SPMIP11: variants seen among roughly 807,000 people sequenced by gnomAD.
SPMIP11 encodes sperm microtubule inner protein 11.
chr12:48,760,526 T>C, the SPMIP11 span, among the ~76,000 whole-genome samples: 3 of 150,226 alleles, frequency 2.0e-5, no homozygotes, highest in Non-Finnish European at 4.4e-5. Context: ...CTGTTGTTGT[T>C]GTTTGTTATT....
At chr12:48,749,134 C>T in the SPMIP11 span, among the ~76,000 whole-genome samples, 15 of 151,650 alleles carry the variant, frequency 9.9e-5, no homozygotes, top group Admixed American at 3.3e-4. Flanking sequence ...TGGTGGTGCA[C>T]GCCTGTAGTC....
the SPMIP11 span, among the ~76,000 whole-genome samples, chr12:48,735,285 G>A: frequency 2.0e-5 from 3 of 152,236 alleles, no homozygotes; most frequent in Non-Finnish European, 4.4e-5. Flanking sequence ...CCAGCCTTCC[G>A]ACCTACAGAA....
chr12:48,767,415 A>T, the SPMIP11 span: 2 of 152,602 alleles, frequency 1.3e-5, no homozygotes, highest in Non-Finnish European at 2.9e-5. Flanking sequence ...GAAGTAGGAA[A>T]CCCTGCTTTA....
chr12:48,732,210 A>G, the SPMIP11 span, among the ~76,000 whole-genome samples: 5 of 152,116 alleles, frequency 3.3e-5, no homozygotes, highest in African/African-American at 1.2e-4. Flanking sequence ...AAAACTCAAT[A>G]TAGGAGTTCA....
the SPMIP11 span, among the ~76,000 whole-genome samples, chr12:48,756,668 C>A: frequency 1.3e-5 from 2 of 152,178 alleles, no homozygotes; most frequent in East Asian, 1.9e-4. Flanking sequence ...GACAAGCATC[C>A]ATAATCATGA....
At chr12:48,761,907 A>G in the SPMIP11 span, among the ~76,000 whole-genome samples, 2 of 146,496 alleles carry the variant, frequency 1.4e-5, no homozygotes, top group Non-Finnish European at 3.0e-5. Flanking sequence ...TTTTTTTAAT[A>G]GAGACAAGGT....
the SPMIP11 span, among the ~76,000 whole-genome samples, chr12:48,734,299 C>T: frequency 9.9e-5 from 15 of 151,828 alleles, no homozygotes; most frequent in Non-Finnish European, 1.5e-4. Flanking sequence ...TTTGTAAAGA[C>T]GGGATCCCAC....
chr12:48,730,783 C>A, the SPMIP11 span, among the ~76,000 whole-genome samples: 1 of 152,064 alleles, frequency 6.6e-6, no homozygotes, highest in African/African-American at 2.4e-5. Flanking sequence ...ACTAAAAATA[C>A]AAAAATTAGC....
the SPMIP11 span, among the ~76,000 whole-genome samples, chr12:48,752,197 G>A: frequency 1.5e-4 from 23 of 152,202 alleles, no homozygotes; most frequent in South Asian, 6.2e-4. Context: ...TAAATCATAT[G>A]TAAGTTCACT....
At chr12:48,754,408 TC>T in the SPMIP11 span, among the ~76,000 whole-genome samples, 2 of 151,624 alleles carry the variant, frequency 1.3e-5, no homozygotes, top group African/African-American at 4.8e-5. Flanking sequence ...TGCCTTGGCC[TC>T]CCAAAGTACT....
chr12:48,769,162 T>A, the SPMIP11 span: 1 of 1,278,308 alleles, frequency 7.8e-7, no homozygotes, highest in Non-Finnish European at 1.0e-6. Context: ...GAGAAAAAAA[T>A]GGAAAAAGGA....
the SPMIP11 span, chr12:48,771,046 C>T: frequency 2.1e-6 from 3 of 1,449,758 alleles, no homozygotes; most frequent in Non-Finnish European, 2.8e-6. This position sits in a 1 kb window ranked among gnomAD's most constrained non-coding sequence, Gnocchi z 4.3. Flanking sequence ...CATTTCTTGC[C>T]ACGCCTTGGC....
the SPMIP11 span, among the ~76,000 whole-genome samples, chr12:48,736,720 T>C: frequency 2.6e-5 from 4 of 151,892 alleles, no homozygotes; most frequent in African/African-American, 9.7e-5. Flanking sequence ...TTTCTTGGCT[T>C]ACTCCCTCCT....
chr12:48,751,477 A>C, the SPMIP11 span, among the ~76,000 whole-genome samples: 4 of 152,152 alleles, frequency 2.6e-5, no homozygotes, highest in African/African-American at 7.2e-5. Flanking sequence ...GTATTGGCGC[A>C]TGCCTGTAGT....
the SPMIP11 span, among the ~76,000 whole-genome samples, chr12:48,755,758 G>A: frequency 2.6e-5 from 4 of 152,054 alleles, no homozygotes; most frequent in Admixed American, 2.0e-4. Context: ...TTGACAATCA[G>A]CCTGAGGCCT....
the SPMIP11 span, among the ~76,000 whole-genome samples, chr12:48,751,082 GT>G: frequency 6.6e-5 from 10 of 151,164 alleles, no homozygotes; most frequent in East Asian, 1.9e-4. Context: ...AGAACGATAG[GT>G]TTTTTTTTCC....
the SPMIP11 span, chr12:48,770,871 C>T: frequency 3.1e-6 from 5 of 1,614,262 alleles, no homozygotes; most frequent in East Asian, 1.1e-4. Flanking sequence ...GAGCGGCCCA[C>T]CTGATCGTAG....
the SPMIP11 span, among the ~76,000 whole-genome samples, chr12:48,743,609 C>T: frequency 6.6e-6 from 1 of 151,946 alleles, no homozygotes; most frequent in African/African-American, 2.4e-5. Flanking sequence ...GAGTTCAAGA[C>T]CAGCCTGGGC....
chr12:48,768,994 C>T, the SPMIP11 span: 12 of 1,613,994 alleles, frequency 7.4e-6, no homozygotes, highest in South Asian at 1.1e-5. Context: ...TCACTGTGTT[C>T]CCCCAGATGT....
Sources: allele counts gnomAD v4.1 joint callset (sites outside exome capture counted in the v4.1 genomes callset), GRCh38; gene constraint gnomAD v4.1.1; non-coding constraint Gnocchi (gnomAD v3.1); transcripts MANE v1.5; gene names NCBI Gene and HGNC (gene_info 2026-07-23, HGNC 2026-07-21).